The following SLCO3A1 variants were observed in gnomAD, a reference collection of about 807,000 sequenced individuals.
SLCO3A1 encodes PGE1 transporter.
A neutral mutation model predicts 63.1 loss-of-function variants in SLCO3A1; 27 were observed. That is an observed-to-expected ratio of 0.43 (90% CI 0.32 to 0.59). SLCO3A1 has a LOEUF of 0.59. SLCO3A1 is among the 20% of genes least tolerant of loss of function. The pLI is 0.09. For missense variants in SLCO3A1, 773 were observed against 945.8 expected, an observed-to-expected ratio of 0.82 and a Z score of 2.40; for synonymous variants, 473 against 409.9, an observed-to-expected ratio of 1.15 and a Z score of -1.86.
intron 2 of SLCO3A1, among the ~76,000 whole-genome samples, chr15:92,026,253 G>T (rs2046572714): frequency 1.3e-5 from 2 of 152,132 alleles, no homozygotes; most frequent in Admixed American, 1.3e-4. Context: ...ACTAGATTTG[G>T]CAAGAAACAA....
At chr15:91,985,813 G>A (rs1189691612) in intron 2 of SLCO3A1, among the ~76,000 whole-genome samples, 2 of 152,148 alleles carry the variant, frequency 1.3e-5, no homozygotes, top group Non-Finnish European at 2.9e-5. Context: ...TGGCCTGAAG[G>A]GGTGGCCAAG....
chr15:92,127,486 T>A (rs1038415799), intron 6 of SLCO3A1, among the ~76,000 whole-genome samples: 4 of 152,202 alleles, frequency 2.6e-5, no homozygotes, highest in Non-Finnish European at 5.9e-5. Flanking sequence ...GGGGTTATAA[T>A]GAGAATAAAT....
chr15:92,168,734 A>T (rs146291815), downstream of SLCO3A1, among the ~76,000 whole-genome samples: 2 of 152,314 alleles, frequency 1.3e-5, no homozygotes, highest in African/African-American at 4.8e-5. Context: ...TAATTCAGAT[A>T]TCTCATTTCC....
At chr15:92,075,174 G>A (rs1309902668) in intron 2 of SLCO3A1, among the ~76,000 whole-genome samples, 2 of 152,128 alleles carry the variant, frequency 1.3e-5, no homozygotes, top group African/African-American at 4.8e-5. Flanking sequence ...TCCTGAATCC[G>A]ACTCTGGCTT....
At chr15:91,982,349 C>G (rs2045998523) in intron 2 of SLCO3A1, among the ~76,000 whole-genome samples, 1 of 152,238 alleles carries the variant, frequency 6.6e-6, no homozygotes, top group African/African-American at 2.4e-5. Context: ...AGCCTTGGCT[C>G]TGGGGAGGGC....
At chr15:91,932,075 A>G (rs1261600508) in intron 2 of SLCO3A1, among the ~76,000 whole-genome samples, 2 of 151,992 alleles carry the variant, frequency 1.3e-5, no homozygotes, top group East Asian at 3.9e-4. Context: ...CAAGGCACTG[A>G]GCTCACTGTT....
intron 1 of SLCO3A1, among the ~76,000 whole-genome samples, chr15:91,877,226 A>C (rs1897421080): frequency 6.6e-6 from 1 of 152,206 alleles, no homozygotes; most frequent in African/African-American, 2.4e-5. Flanking sequence ...TCTTTTAATT[A>C]AGTTGGTGTG....
chr15:91,862,068 T>C lies in SLCO3A1; in HGVS notation c.180+7980T>C, dbSNP rs1897061392. 6.6e-6 allele frequency among the ~76,000 whole-genome samples: 1 copy of C among 152,192 alleles called. No homozygotes were observed. The highest frequency in any genetic ancestry group is 2.4e-5 in the African/African-American group (1 of 41,458). On this transcript the variant is annotated intron_variant, in intron 1 of 9. Coordinates refer to ENST00000318445, the MANE Select transcript of SLCO3A1 (RefSeq NM_013272.4). This position sits in a 1 kb window ranked among gnomAD's most constrained non-coding sequence, Gnocchi z 4.0. The stretch of plus-strand genomic sequence containing the variant: ...TGACTTTTCAGTACTCTCCTTTTCA[T>C]GGACGTAATAGTCCAAGTGGCATTT...
chr15:92,158,782 C>G (rs74028855), intron 9 of SLCO3A1, among the ~76,000 whole-genome samples: 2,417 of 152,340 alleles, frequency 0.016, 61 homozygotes, highest in African/African-American at 0.055. Flanking sequence ...CCGTTCGTCT[C>G]TGGTATTGTC....
intron 2 of SLCO3A1, among the ~76,000 whole-genome samples, chr15:91,921,104 G>C (rs1393258942): frequency 6.6e-6 from 1 of 152,204 alleles, no homozygotes; most frequent in Non-Finnish European, 1.5e-5. Flanking sequence ...TATAGTTTTA[G>C]AGGCTGGAAG....
chr15:92,008,045 C>G (rs576723405), intron 2 of SLCO3A1, among the ~76,000 whole-genome samples: 2 of 152,144 alleles, frequency 1.3e-5, no homozygotes, highest in African/African-American at 2.4e-5. Flanking sequence ...GAAGTCGGCT[C>G]GGTAAACAGG....
chr15:92,106,260 G>A (rs2047666601), intron 4 of SLCO3A1, among the ~76,000 whole-genome samples: 2 of 152,188 alleles, frequency 1.3e-5, no homozygotes, highest in South Asian at 4.1e-4. Flanking sequence ...TAAAACTTAA[G>A]TTCCAGAATG....
Position 91,862,947 on chromosome 15 carries a change from C to T in SLCO3A1, c.180+8859C>T, listed in dbSNP as rs921874393. On this transcript the variant is annotated intron_variant, in intron 1 of 9. Coordinates refer to ENST00000318445, the MANE Select transcript of SLCO3A1 (RefSeq NM_013272.4). This position sits in a 1 kb window ranked among gnomAD's most constrained non-coding sequence, Gnocchi z 4.0. ...CTGTTTCTAATTGTTGAATTTGTCT[C>T]CCAACTTCAGCTGATTAGAAGGAGA... Among the ~76,000 whole-genome samples the T allele has an allele frequency of 6.6e-6, 1 of 152,190 alleles. No homozygotes were observed. Among genetic ancestry groups the T allele is most frequent in the Non-Finnish European group, 1.5e-5 (1 of 68,040 alleles).
intron 2 of SLCO3A1, among the ~76,000 whole-genome samples, chr15:92,050,606 C>T (rs774510086): frequency 4.6e-5 from 7 of 152,198 alleles, no homozygotes; most frequent in Non-Finnish European, 1.0e-4. Flanking sequence ...CCCATTACAT[C>T]TCTATCTTCT....
At chr15:92,032,365 A>G (rs1008068824) in intron 2 of SLCO3A1, among the ~76,000 whole-genome samples, 1 of 152,056 alleles carries the variant, frequency 6.6e-6, no homozygotes, top group East Asian at 1.9e-4. Context: ...CTCAAGGAAA[A>G]TGAGGACTTC....
chr15:92,146,061 T>C (rs1018398102), intron 7 of SLCO3A1, among the ~76,000 whole-genome samples: 1 of 152,330 alleles, frequency 6.6e-6, no homozygotes, highest in Non-Finnish European at 1.5e-5. Context: ...TACCTGGGCA[T>C]GTGCTCTGAA....
rs1454965985 is a variant in SLCO3A1 at position 91,894,414 on chromosome 15, G to A, written c.181-21579G>A. The stretch of plus-strand genomic sequence containing the variant: ...ATGGACAATGGGGAGAGGCATGGCA[G>A]GTGTGGTGGTATCTCAGGTGAGGGG... On this transcript the variant is annotated intron_variant, in intron 1 of 9. Transcript: ENST00000318445. This position sits in a 1 kb window ranked among gnomAD's most constrained non-coding sequence, Gnocchi z 4.8. Among the ~76,000 whole-genome samples, 3 of 152,168 alleles carry A rather than the reference G, an allele frequency of 2.0e-5. No individual in the cohort carries two copies. In the East Asian group the frequency reaches 5.8e-4, roughly 29 times the overall value.
At chr15:92,005,360 G>A (rs918363472) in intron 2 of SLCO3A1, among the ~76,000 whole-genome samples, 3 of 152,230 alleles carry the variant, frequency 2.0e-5, no homozygotes, top group Non-Finnish European at 4.4e-5. Context: ...ATAGTGTGCC[G>A]AAGGGGCTGA....
intron 1 of SLCO3A1, among the ~76,000 whole-genome samples, chr15:91,880,997 G>A (rs1897567773): frequency 1.3e-5 from 2 of 152,120 alleles, no homozygotes; most frequent in South Asian, 4.1e-4. Flanking sequence ...CTAGCCAGGC[G>A]ATATGTCTCC....
Sources: allele counts gnomAD v4.1 joint callset (sites outside exome capture counted in the v4.1 genomes callset), GRCh38; gene constraint gnomAD v4.1.1; non-coding constraint Gnocchi (gnomAD v3.1); transcripts MANE v1.5; gene names NCBI Gene and HGNC (gene_info 2026-07-23, HGNC 2026-07-21).